The following CCDC57 variants were observed in gnomAD, a reference collection of about 807,000 sequenced individuals.
CCDC57 encodes the protein coiled-coil domain containing 57.
In CCDC57, 118 loss-of-function variants were observed where a neutral mutation model predicts 118.9. The observed-to-expected ratio is 0.99, with a 90% CI of 0.86 to 1.16. The LOEUF is 1.16. Among genes scored for constraint, CCDC57 ranks in the 50% most tolerant of loss-of-function variants. The pLI, the probability that CCDC57 is intolerant of heterozygous loss-of-function variation, is 0.00. For synonymous variants in CCDC57, 527 were observed against 532.9 expected, an observed-to-expected ratio of 0.99 and a Z score of 0.15; for missense variants, 1,300 against 1,320.7, an observed-to-expected ratio of 0.98 and a Z score of 0.24.
intron 6 of CCDC57, 57 bp downstream of exon 5, chr17:82,193,925 G>A: frequency 1.9e-6 from 3 of 1,581,832 alleles, no homozygotes; most frequent in Non-Finnish European, 2.6e-6. Flanking sequence ...CCAGACTCCA[G>A]TCCTGGCCTG....
At chr17:82,141,311 G>A (rs548073831) in intron 16 of CCDC57, among the ~76,000 whole-genome samples, 24 of 152,010 alleles carry the variant, frequency 1.6e-4, no homozygotes, top group Admixed American at 5.9e-4. Context: ...AGCCTCCTGA[G>A]TAGCTGGGAC....
intron 1 of CCDC57, chr17:82,208,135 C>G (rs2049883226): frequency 1.3e-5 from 2 of 152,146 alleles, no homozygotes; most frequent in African/African-American, 4.8e-5. Context: ...GTCTGGAACT[C>G]CCAAACTCAG....
intron 14 of CCDC57, among the ~76,000 whole-genome samples, chr17:82,158,613 G>C (rs1046390564): frequency 6.6e-6 from 1 of 150,870 alleles, no homozygotes; most frequent in Admixed American, 6.6e-5. Flanking sequence ...GCATGAACCC[G>C]GGAGGTGGAG....
chr17:82,208,277 T>C (rs891714885), intron 1 of CCDC57, among the ~76,000 whole-genome samples: 2 of 152,064 alleles, frequency 1.3e-5, no homozygotes, highest in African/African-American at 4.8e-5. Context: ...ATTATTATTT[T>C]AGACAGTCTT....
chr17:82,164,296 G>C (rs981372419), intron 13 of CCDC57, among the ~76,000 whole-genome samples: 1 of 151,898 alleles, frequency 6.6e-6, no homozygotes. Flanking sequence ...CACGAGAATC[G>C]ATTGAACTCG....
chr17:82,160,268 G>A (rs1330810922), intron 14 of CCDC57: 2 of 152,384 alleles, frequency 1.3e-5, no homozygotes, highest in Admixed American at 1.3e-4. Context: ...TGATCAACAG[G>A]ACTGGATCAA....
At chr17:82,185,152 G>A (rs74450508) in intron 8 of CCDC57, 2,916 of 152,554 alleles carry the variant, frequency 0.019, 34 homozygotes, top group Non-Finnish European at 0.028. Flanking sequence ...CAGGGACAGA[G>A]GACACCACGG....
At chr17:82,129,516 C>A (rs886785636) in intron 17 of CCDC57, among the ~76,000 whole-genome samples, 1 of 152,136 alleles carries the variant, frequency 6.6e-6, no homozygotes, top group Admixed American at 6.5e-5. Context: ...TGTACTTGGC[C>A]CATGTTTACC....
intron 19 of CCDC57, among the ~76,000 whole-genome samples, chr17:82,102,892 A>C: frequency 6.6e-6 from 1 of 151,672 alleles, no homozygotes. Context: ...TCTCAAAAAA[A>C]AAAAAAACAA....
chr17:82,121,958 A>G (rs1268381846), intron 19 of CCDC57, among the ~76,000 whole-genome samples: 1 of 150,758 alleles, frequency 6.6e-6, no homozygotes, highest in Non-Finnish European at 1.5e-5. Context: ...GGCCACCCAC[A>G]CTCTCAGCCT....
chr17:82,104,702 C>G (rs1214491932), intron 19 of CCDC57: 3 of 152,206 alleles, frequency 2.0e-5, no homozygotes, highest in Admixed American at 2.0e-4. Flanking sequence ...CCACGCCCCG[C>G]TAAGTTTTTT....
intron 4 of CCDC57, among the ~76,000 whole-genome samples, chr17:82,197,108 C>T (rs1241551593): frequency 4.7e-5 from 7 of 149,956 alleles, no homozygotes; most frequent in Non-Finnish European, 1.0e-4. Flanking sequence ...TGCAGACACA[C>T]AGCCCCTCAT....
rs2048545613 is a variant in CCDC57 at position 82,198,299 on chromosome 17, A to G, written c.516+15T>C. 1 of 1,560,852 alleles carries G rather than the reference A, an allele frequency of 6.4e-7. No individual in the cohort carries two copies. Among genetic ancestry groups the G allele is most frequent in the Admixed American group, 1.7e-5 (1 of 58,696 alleles). ...AGGGAAAGCACCCAGGAAGGGGCCG[A>G]CCCAGAGGCTCTACCTGTCTCTGCA... On this transcript the variant is annotated intron_variant, in intron 4 of 19. Transcript: ENST00000665763.
At chr17:82,171,722 G>C in exon 13 of CCDC57, 2 of 1,612,698 alleles carry the variant, frequency 1.2e-6, no homozygotes, top group Non-Finnish European at 1.7e-6. Context: ...GTCGAGGTGC[G>C]GACGCTGGGC....
intron 2 of CCDC57, 51 bp from the exon 2 acceptor site, chr17:82,202,003 T>C: frequency 6.8e-7 from 1 of 1,471,638 alleles, no homozygotes; most frequent in Non-Finnish European, 9.0e-7. Flanking sequence ...GGCCCTAATT[T>C]TCCTACCACA....
At chr17:82,102,382 C>A (rs1252823331) in intron 19 of CCDC57, among the ~76,000 whole-genome samples, 1 of 152,256 alleles carries the variant, frequency 6.6e-6, no homozygotes, top group African/African-American at 2.4e-5. Flanking sequence ...CGTGGCCAGG[C>A]ACAGGCCAAG....
intron 18 of CCDC57, 36 bp downstream of exon 17, chr17:82,128,457 A>G: frequency 6.8e-7 from 1 of 1,466,422 alleles, no homozygotes; most frequent in Non-Finnish European, 9.3e-7. Flanking sequence ...GCCACACCCC[A>G]CACAGCTGCA....
At chr17:82,109,364 C>A (rs548091079) in intron 19 of CCDC57, among the ~76,000 whole-genome samples, 1 of 152,314 alleles carries the variant, frequency 6.6e-6, no homozygotes, top group East Asian at 1.9e-4. Flanking sequence ...GATGTTACCA[C>A]AGGACAAAAT....
At chr17:82,122,262 C>G (rs1375326326) in intron 19 of CCDC57, among the ~76,000 whole-genome samples, 3 of 152,246 alleles carry the variant, frequency 2.0e-5, no homozygotes, top group African/African-American at 4.8e-5. Flanking sequence ...TTCCCACCAC[C>G]AGGCCAGCTG....
Sources: gnomAD v4.1 joint callset for allele counts (sites outside exome capture counted in the v4.1 genomes callset) on GRCh38, gnomAD v4.1.1 for gene constraint, MANE v1.5 for transcripts, NCBI Gene and HGNC (gene_info 2026-07-23, HGNC 2026-07-21) for gene names.